The following SAMMSON variants were observed in gnomAD, a reference collection of about 807,000 sequenced individuals.
SAMMSON encodes long intergenic non-protein coding RNA 1212.
At chr3:70,125,843 T>A in intron 4 of SAMMSON, 1 of 670,556 alleles carries the variant, frequency 1.5e-6, no homozygotes, top group Non-Finnish European at 2.7e-6. Flanking sequence ...TCCATTAGTT[T>A]GTTCATTTTC....
rs544086247 is a variant in SAMMSON, at chr3:70,412,511, C to G, written n.234-50049C>G. Among the ~76,000 whole-genome samples, 4 of 152,272 alleles carry G rather than the reference C, an allele frequency of 2.6e-5. No individual in the cohort carries two copies. The South Asian group carries it at 8.3e-4, about 32-fold the overall frequency. ...GTTTACTAAGTGGTTGCTTTGCTCA[C>G]AGGATATCGAATGGTGCAGAAGTGT... On this transcript the variant is annotated intron_variant and non_coding_transcript_variant, in intron 2 of 3. Coordinates refer to the SAMMSON transcript ENST00000641053.
At chr3:70,306,514 A>C (rs1018771928) in intron 7 of SAMMSON, among the ~76,000 whole-genome samples, 1 of 151,756 alleles carries the variant, frequency 6.6e-6, no homozygotes. Context: ...CATCTTTCAC[A>C]CTCTTTCCTT....
chr3:70,098,906 A>G (rs2067332855), intron 4 of SAMMSON, among the ~76,000 whole-genome samples: 1 of 152,144 alleles, frequency 6.6e-6, no homozygotes, highest in Non-Finnish European at 1.5e-5. Context: ...GTGTGTCTTG[A>G]AGCAATATAG....
intron 3 of SAMMSON, among the ~76,000 whole-genome samples, chr3:70,019,854 G>T (rs138377600): frequency 3.3e-5 from 5 of 152,122 alleles, no homozygotes; most frequent in African/African-American, 1.2e-4. Flanking sequence ...AAGTCTTGCA[G>T]TAAGGAACCC....
rs566407006 is a variant in SAMMSON, at chr3:70,396,225, G to T, written n.233+37901G>T. On this transcript the variant is annotated intron_variant and non_coding_transcript_variant, in intron 2 of 3. Coordinates refer to the SAMMSON transcript ENST00000641053. ...ATGGCTGAATTATAGTTTGTTAGAA[G>T]ACTGATGCAATGTTATAAATATGAA... 2.0e-5 allele frequency among the ~76,000 whole-genome samples: 3 copies of T among 152,244 alleles called. No homozygotes were observed. The East Asian group carries it at 5.8e-4, about 29-fold the overall frequency.
intron 7 of SAMMSON, among the ~76,000 whole-genome samples, chr3:70,300,172 T>G (rs2204109): frequency 0.21 from 31,891 of 152,042 alleles, 3,566 homozygotes; most frequent in South Asian, 0.28. Flanking sequence ...TGTCATTTTT[T>G]AGCATCTGCT....
At chr3:70,115,153 T>C (rs1341214790) in intron 4 of SAMMSON, among the ~76,000 whole-genome samples, 1 of 151,426 alleles carries the variant, frequency 6.6e-6, no homozygotes, top group African/African-American at 2.4e-5. Flanking sequence ...TTGATGTTTA[T>C]TTCCTTTGGC....
At chr3:70,112,649 A>G (rs2106661688) in intron 4 of SAMMSON, among the ~76,000 whole-genome samples, 1 of 152,280 alleles carries the variant, frequency 6.6e-6, no homozygotes, top group Middle Eastern at 3.4e-3. Flanking sequence ...TTTTCTTTAC[A>G]TTGTTGAGAA....
intron 2 of SAMMSON, among the ~76,000 whole-genome samples, chr3:70,428,588 A>G (rs1701390084): frequency 6.6e-6 from 1 of 152,172 alleles, no homozygotes; most frequent in Non-Finnish European, 1.5e-5. Flanking sequence ...TAAAAATGTG[A>G]TTTCTTTCTT....
At chr3:70,287,758 G>T (rs1485763456) in intron 6 of SAMMSON, among the ~76,000 whole-genome samples, 5 of 151,556 alleles carry the variant, frequency 3.3e-5, no homozygotes, top group Non-Finnish European at 7.4e-5. Flanking sequence ...TCTATTCAGA[G>T]ATTCAACTTC....
chr3:70,135,519 A>T (rs1225408901), intron 4 of SAMMSON, among the ~76,000 whole-genome samples: 2 of 152,198 alleles, frequency 1.3e-5, no homozygotes, highest in Non-Finnish European at 2.9e-5. Context: ...AAGCCGGAAA[A>T]AAACAGACAA....
intron 6 of SAMMSON, among the ~76,000 whole-genome samples, chr3:70,257,605 GTA>G (rs995921217): frequency 3.3e-5 from 5 of 152,162 alleles, no homozygotes; most frequent in African/African-American, 1.2e-4. Context: ...ATTTAAGGAA[GTA>G]TATGTGAGGC....
chr3:70,292,731 A>C (rs1205090760), intron 7 of SAMMSON, among the ~76,000 whole-genome samples: 2 of 152,116 alleles, frequency 1.3e-5, no homozygotes, highest in Non-Finnish European at 2.9e-5. Context: ...CTTTGATCAC[A>C]CACACACACA....
chr3:70,257,973 A>G (rs1309506984), intron 6 of SAMMSON, among the ~76,000 whole-genome samples: 1 of 152,348 alleles, frequency 6.6e-6, no homozygotes, highest in East Asian at 1.9e-4. Flanking sequence ...AAATAAAGCT[A>G]TGTAACTATG....
chr3:70,028,931 A>G (rs534696867), intron 3 of SAMMSON, among the ~76,000 whole-genome samples: 3 of 152,322 alleles, frequency 2.0e-5, no homozygotes, highest in South Asian at 4.1e-4. Context: ...AAGCAGGTAC[A>G]GTTGTTAAGC....
intron 3 of SAMMSON, among the ~76,000 whole-genome samples, chr3:70,051,246 T>G (rs1351500339): frequency 6.6e-6 from 1 of 150,614 alleles, no homozygotes; most frequent in Non-Finnish European, 1.5e-5. Context: ...CAAGAAAATC[T>G]TTTGGAGGAC....
intron 9 of SAMMSON, among the ~76,000 whole-genome samples, chr3:70,378,979 T>TTTTATTTATTTATTTA (rs145138282): frequency 1.4e-5 from 2 of 141,450 alleles, no homozygotes; most frequent in Admixed American, 7.1e-5. Flanking sequence ...ATACTTACAC[T>TTTTATTTATTTATTTA]TTTATTTATT....
intron 6 of SAMMSON, among the ~76,000 whole-genome samples, chr3:70,263,058 T>G (rs1701882097): frequency 6.6e-6 from 1 of 152,180 alleles, no homozygotes; most frequent in African/African-American, 2.4e-5. Flanking sequence ...GTAATTCATC[T>G]CTCTCTTTAT....
chr3:70,231,278 G>T (rs769804082), intron 4 of SAMMSON, among the ~76,000 whole-genome samples: 6 of 152,116 alleles, frequency 3.9e-5, no homozygotes, highest in African/African-American at 9.7e-5. Flanking sequence ...GCACACGTTC[G>T]CTTAAGACGA....
Sources: gnomAD v4.1 joint callset for allele counts (sites outside exome capture counted in the v4.1 genomes callset) on GRCh38, gnomAD v4.1.1 for gene constraint, MANE v1.5 for transcripts, NCBI Gene and HGNC (gene_info 2026-07-23, HGNC 2026-07-21) for gene names.